PCDHA4: variants seen among roughly 807,000 people sequenced by gnomAD.
PCDHA4 encodes protocadherin alpha-4.
PCDHA4 carries 49 observed loss-of-function variants against 61.4 expected under a neutral mutation model. That is an observed-to-expected ratio of 0.80 (90% CI 0.63 to 1.01). PCDHA4 has a LOEUF of 1.01. Among genes scored for constraint, PCDHA4 ranks in the 50% least tolerant of loss-of-function variants. The pLI, the probability that PCDHA4 is intolerant of heterozygous loss-of-function variation, is 0.00. For missense variants in PCDHA4, 1,254 were observed against 1,235.8 expected, an observed-to-expected ratio of 1.01 and a Z score of -0.22; for synonymous variants, 590 against 550.3, an observed-to-expected ratio of 1.07 and a Z score of -1.01.
At chr5:140,967,789 T>A (rs782032459) in intron 1 of PCDHA4, 2 of 1,614,076 alleles carry the variant, frequency 1.2e-6, no homozygotes, top group Non-Finnish European at 1.7e-6. Context: ...CTGACCGGGG[T>A]CCAGTGCCCA....
intron 1 of PCDHA4, chr5:140,843,656 G>C (rs1294872443): frequency 1.9e-6 from 3 of 1,594,636 alleles, no homozygotes; most frequent in Non-Finnish European, 2.6e-6. Context: ...CCTTCCTCCT[G>C]ATCTGGGATC....
At position 140,855,909 on chromosome 5, in the gene PCDHA4, A is replaced by C. The variant is rs1554148009; in HGVS notation, c.2385+46337A>C. The stretch of plus-strand genomic sequence containing the variant: ...GAACAAAGGCATCAGCCAGTTTCTC[A>C]AGGACTAGGAAGTAGCGTCATTCTG... On this transcript the variant is annotated intron_variant, in intron 1 of 3. Coordinates refer to ENST00000530339, the MANE Select transcript of PCDHA4 (RefSeq NM_018907.4). The C allele has an allele frequency of 6.1e-6, 7 of 1,151,572 alleles. 1 individual carries two copies. The highest frequency in any genetic ancestry group is 4.6e-5 in the African/African-American group (3 of 65,014). 71.3% of individuals were successfully genotyped at this position (1,151,572 alleles called of 1,614,324 possible). A position where few individuals can be genotyped will look rare whatever the true frequency, so the allele number is the denominator to read the frequency against.
chr5:140,855,813 T>A (rs2043631842), intron 1 of PCDHA4: 2 of 511,660 alleles, frequency 3.9e-6, no homozygotes. Flanking sequence ...AAAGAAAAGT[T>A]GTGAACTCAT....
intron 1 of PCDHA4, among the ~76,000 whole-genome samples, chr5:140,934,198 A>G (rs918942390): frequency 3.7e-4 from 57 of 152,134 alleles, no homozygotes; most frequent in African/African-American, 1.3e-3. Context: ...TTTCATTTCT[A>G]TTTCCTCACA....
intron 1 of PCDHA4, chr5:140,883,871 G>C: frequency 1.9e-6 from 3 of 1,613,242 alleles, no homozygotes; most frequent in Non-Finnish European, 2.5e-6. Context: ...GCAGTTCCAG[G>C]TGAGCGCGCG....
intron 1 of PCDHA4, among the ~76,000 whole-genome samples, chr5:140,920,056 C>T (rs2079426580): frequency 6.6e-6 from 1 of 152,144 alleles, no homozygotes; most frequent in African/African-American, 2.4e-5. Flanking sequence ...GCCACCAACA[C>T]CTGGAAAAGG....
At chr5:141,006,741 A>G (rs1275777013) in intron 3 of PCDHA4, among the ~76,000 whole-genome samples, 2 of 152,208 alleles carry the variant, frequency 1.3e-5, no homozygotes, top group Non-Finnish European at 2.9e-5. Flanking sequence ...TTGATGATGT[A>G]TTATAAATGG....
intron 3 of PCDHA4, among the ~76,000 whole-genome samples, chr5:140,983,358 T>C (rs1374842008): frequency 6.6e-6 from 1 of 152,224 alleles, no homozygotes; most frequent in Non-Finnish European, 1.5e-5. Context: ...GTAATAGAAA[T>C]ATGGCTTTGG....
intron 1 of PCDHA4, among the ~76,000 whole-genome samples, chr5:140,950,903 T>C (rs2094530592): frequency 6.6e-6 from 1 of 152,024 alleles, no homozygotes; most frequent in South Asian, 2.1e-4. Context: ...TTTATTTTAT[T>C]TTTATTTTAT....
rs1763901819 is a variant in PCDHA4 at position 140,807,375 on chromosome 5, T to C, written c.188T>C (p.Leu63Pro). ...GAGCTGGCGGAGCTGGTGCCGCGCCTGTTCCGGGTGGCGTCCAAGGGCCGC... is the reference window on the plus strand; with the variant it reads ...GAGCTGGCGGAGCTGGTGCCGCGCCCGTTCCGGGTGGCGTCCAAGGGCCGC... ...GLELAELVPR[L>P]FRVASKGRGG... is the part of the protein sequence containing the mutation. The change falls in exon 1 of 4, where the codon CTG (leucine) becomes CCG (proline). Residue 63 changes from leucine to proline, a missense_variant. By Grantham distance (98) the Leu-to-Pro change is moderately conservative. Coordinates refer to ENST00000530339, the MANE Select transcript of PCDHA4 (RefSeq NM_018907.4). 1 of 1,606,306 alleles carries C rather than the reference T, an allele frequency of 6.2e-7. No homozygotes were observed. The highest frequency in any genetic ancestry group is 8.5e-7 in the Non-Finnish European group (1 of 1,177,912).
At chr5:140,987,149 G>C (rs1380803903) in intron 3 of PCDHA4, among the ~76,000 whole-genome samples, 2 of 151,884 alleles carry the variant, frequency 1.3e-5, no homozygotes, top group African/African-American at 4.8e-5. Flanking sequence ...GGGAGGTGGA[G>C]GTTGCAGTGA....
rs2150181122 is a variant in PCDHA4 at position 140,830,100 on chromosome 5, T to C, written c.2385+20528T>C. 6.2e-7 allele frequency: 1 copy of C among 1,613,448 alleles called. No homozygotes were observed. The highest frequency in any genetic ancestry group is 1.7e-5 in the Admixed American group (1 of 59,986). On this transcript the variant is annotated intron_variant, in intron 1 of 3. Coordinates refer to ENST00000530339, the MANE Select transcript of PCDHA4 (RefSeq NM_018907.4). ...ACGGCCACGGTTCTGGTGTCGCTGG[T>C]GGAGAGTGGCCAGGCTCCAAAGGCG...
At chr5:140,861,646 T>C in intron 1 of PCDHA4, 1 of 291,698 alleles carries the variant, frequency 3.4e-6, no homozygotes, top group Non-Finnish European at 6.9e-6. Context: ...CAAAAGAATC[T>C]GTTTCTGAAA....
chr5:140,917,440 C>A (rs913046487), intron 1 of PCDHA4, among the ~76,000 whole-genome samples: 1 of 151,666 alleles, frequency 6.6e-6, no homozygotes, highest in Non-Finnish European at 1.5e-5. Flanking sequence ...TTTGTTTTTG[C>A]TGCAAGAGCG....
chr5:140,976,743 C>A (rs782329745), intron 1 of PCDHA4, among the ~76,000 whole-genome samples: 16 of 152,116 alleles, frequency 1.1e-4, no homozygotes, highest in Non-Finnish European at 1.5e-4. Context: ...ATTTTAAAAA[C>A]CTCCCAGATG....
At position 140,924,761 on chromosome 5, in the gene PCDHA4, G is replaced by T. The variant is rs979984304; in HGVS notation, c.2386-54188G>T. On this transcript the variant is annotated intron_variant, in intron 1 of 3. Coordinates refer to ENST00000530339, the MANE Select transcript of PCDHA4 (RefSeq NM_018907.4). Reference sequence around the variant, plus strand: ...AATACAAAAATTAACCGAGCATGGTGGTGCGCGCTTGTAGTCCTAGCTACT... The same window carrying T: ...AATACAAAAATTAACCGAGCATGGTTGTGCGCGCTTGTAGTCCTAGCTACT... Among the ~76,000 whole-genome samples the T allele has an allele frequency of 5.3e-5, 8 of 151,864 alleles. No individual in the cohort carries two copies. The East Asian group carries it at 1.5e-3, about 29-fold the overall frequency.
Position 140,979,023 on chromosome 5 carries a change from C to G in PCDHA4, c.2444+16C>G, listed in dbSNP as rs2096831948. On this transcript the variant is annotated intron_variant, in intron 2 of 3. Transcript: ENST00000530339. ...GCATGCACAGGTATGTATTTCCCTC[C>G]TCATTCACTCAGAAGTAACCTTAAC... The G allele has an allele frequency of 6.2e-7, 1 of 1,613,422 alleles. No homozygotes were observed.
At chr5:140,912,679 T>G (rs367681467) in intron 1 of PCDHA4, among the ~76,000 whole-genome samples, 3 of 152,334 alleles carry the variant, frequency 2.0e-5, no homozygotes, top group South Asian at 4.1e-4. Context: ...CCTTGACTTA[T>G]TCCAGGTCTC....
chr5:140,922,722 T>C (rs2153565730), intron 1 of PCDHA4, among the ~76,000 whole-genome samples: 1 of 151,972 alleles, frequency 6.6e-6, no homozygotes, highest in Non-Finnish European at 1.5e-5. Context: ...AAAGAAACAC[T>C]TGACAAGGTT....
Sources: allele counts gnomAD v4.1 joint callset (sites outside exome capture counted in the v4.1 genomes callset), GRCh38; gene constraint gnomAD v4.1.1; transcripts MANE v1.5; gene names NCBI Gene and HGNC (gene_info 2026-07-23, HGNC 2026-07-21).